Variants in RPS6KC1 observed in about 807,000 individuals in gnomAD.
RPS6KC1 encodes the protein inactive ribosomal protein S6 kinase delta-1.
In RPS6KC1, 54 loss-of-function variants were observed where a neutral mutation model predicts 103.8. That is an observed-to-expected ratio of 0.52 (90% CI 0.42 to 0.65). The LOEUF is 0.65. Ranked by LOEUF, RPS6KC1 falls within the 30% of genes least tolerant of loss-of-function variation. The pLI is 0.00. For synonymous variants in RPS6KC1, 439 were observed against 438.7 expected (o/e 1.00, Z -0.01); for missense variants, 1,151 against 1,253.8 (o/e 0.92, Z 1.24).
chr1:213,858,557 T>G, the RPS6KC1 span, among the ~76,000 whole-genome samples: 1 of 152,120 alleles, frequency 6.6e-6, no homozygotes, highest in Non-Finnish European at 1.5e-5. Context: ...CAAAGACATC[T>G]CATAACCAGA....
chr1:213,768,452 C>A, the RPS6KC1 span, among the ~76,000 whole-genome samples: 1 of 152,050 alleles, frequency 6.6e-6, no homozygotes, highest in Non-Finnish European at 1.5e-5. Flanking sequence ...ATCACAAGCG[C>A]CTATTTATAG....
At chr1:213,733,206 G>A in the RPS6KC1 span, among the ~76,000 whole-genome samples, 2 of 148,694 alleles carry the variant, frequency 1.3e-5, no homozygotes, top group East Asian at 4.0e-4. Flanking sequence ...TTCTAGTTTA[G>A]GGTTTTTTTG....
chr1:213,682,303 A>G, the RPS6KC1 span, among the ~76,000 whole-genome samples: 4 of 152,172 alleles, frequency 2.6e-5, no homozygotes, highest in African/African-American at 2.4e-5. Flanking sequence ...ATCTGCATCC[A>G]CAAACTTCTA....
At chr1:213,349,578 T>G in the RPS6KC1 span, among the ~76,000 whole-genome samples, 1 of 152,228 alleles carries the variant, frequency 6.6e-6, no homozygotes, top group Middle Eastern at 3.4e-3. Context: ...CATCAGACAC[T>G]TAGGAGGATC....
downstream of RPS6KC1, among the ~76,000 whole-genome samples, chr1:213,275,947 T>A (rs1021788961): frequency 6.6e-6 from 1 of 152,246 alleles, no homozygotes; most frequent in African/African-American, 2.4e-5. Context: ...CTGTTGATAA[T>A]ATATTTAGAC....
chr1:213,602,124 T>C, the RPS6KC1 span, among the ~76,000 whole-genome samples: 57 of 41,020 alleles, frequency 1.4e-3, 1 homozygote, highest in African/African-American at 4.3e-3. Context: ...TTCTTTCTCT[T>C]TCTTTCTTTC....
the RPS6KC1 span, among the ~76,000 whole-genome samples, chr1:213,484,024 A>C: frequency 6.6e-6 from 1 of 152,220 alleles, no homozygotes; most frequent in Non-Finnish European, 1.5e-5. Flanking sequence ...CTGTCTTCCT[A>C]GAATCCAAAA....
At chr1:213,278,031 C>T (rs1215336967), downstream of RPS6KC1, among the ~76,000 whole-genome samples, 2 of 151,966 alleles carry the variant, frequency 1.3e-5, no homozygotes, top group African/African-American at 4.8e-5. Context: ...TGAAGAGAGC[C>T]TGTCTCTACA....
intron 12 of RPS6KC1, among the ~76,000 whole-genome samples, chr1:213,259,569 TACTC>T (rs1356453653): frequency 2.0e-5 from 3 of 151,978 alleles, no homozygotes; most frequent in Non-Finnish European, 2.9e-5. Flanking sequence ...TCTCAAAAAA[TACTC>T]ACCACCCCAG....
chr1:213,464,551 A>T, the RPS6KC1 span, among the ~76,000 whole-genome samples: 52 of 152,180 alleles, frequency 3.4e-4, no homozygotes, highest in African/African-American at 1.2e-3. Flanking sequence ...AAAAAAATAT[A>T]TTATCTTTCA....
chr1:213,329,280 G>T, the RPS6KC1 span, among the ~76,000 whole-genome samples: 1 of 152,172 alleles, frequency 6.6e-6, no homozygotes, highest in African/African-American at 2.4e-5. Context: ...GGGACCCATG[G>T]AGTCACAGAT....
chr1:213,176,905 A>G (rs999750767), intron 8 of RPS6KC1, among the ~76,000 whole-genome samples: 2 of 152,138 alleles, frequency 1.3e-5, no homozygotes, highest in African/African-American at 4.8e-5. Context: ...GTCGGACCCT[A>G]TGTTAGGCAT....
intron 12 of RPS6KC1, among the ~76,000 whole-genome samples, chr1:213,257,025 A>T (rs776878209): frequency 8.5e-5 from 13 of 152,158 alleles, no homozygotes; most frequent in Non-Finnish European, 1.9e-4. Context: ...TGTGTTCCAT[A>T]ATAGGTCTAT....
the RPS6KC1 span, among the ~76,000 whole-genome samples, chr1:213,590,045 A>G: frequency 9.2e-5 from 14 of 152,220 alleles, no homozygotes; most frequent in South Asian, 1.2e-3. Context: ...GACGAATTAG[A>G]AAAACTTCTA....
the RPS6KC1 span, among the ~76,000 whole-genome samples, chr1:213,548,812 A>C: frequency 6.6e-6 from 1 of 152,216 alleles, no homozygotes; most frequent in African/African-American, 2.4e-5. Flanking sequence ...ATTTTATTAT[A>C]ATTCTTGGAA....
At chr1:213,328,525 TATATATATATATATATCACA>T in the RPS6KC1 span, among the ~76,000 whole-genome samples, 1 of 136,944 alleles carries the variant, frequency 7.3e-6, no homozygotes, top group Non-Finnish European at 1.6e-5. Context: ...TATATATATA[TATATATATATATATATCACA>T]CACACACGTG....
At chr1:213,267,413 C>G (rs74139168) in intron 14 of RPS6KC1, among the ~76,000 whole-genome samples, 5 of 151,964 alleles carry the variant, frequency 3.3e-5, no homozygotes, top group African/African-American at 1.2e-4. Flanking sequence ...AACAATCCAA[C>G]AGCAATGATA....
the RPS6KC1 span, among the ~76,000 whole-genome samples, chr1:213,360,678 T>A: frequency 2.6e-5 from 4 of 152,180 alleles, no homozygotes; most frequent in Non-Finnish European, 5.9e-5. Flanking sequence ...TTTTTCCCCA[T>A]CTTTGTGGTT....
chr1:213,653,284 C>T, the RPS6KC1 span, among the ~76,000 whole-genome samples: 3 of 152,138 alleles, frequency 2.0e-5, no homozygotes, highest in Non-Finnish European at 4.4e-5. Context: ...ATGGCAAGAC[C>T]CCATCTCTAT....
Sources: allele counts gnomAD v4.1 joint callset (sites outside exome capture counted in the v4.1 genomes callset), GRCh38; gene constraint gnomAD v4.1.1; transcripts MANE v1.5; gene names NCBI Gene and HGNC (gene_info 2026-07-23, HGNC 2026-07-21).